The following FTCDNL1 variants were observed in gnomAD, a reference collection of about 807,000 sequenced individuals.
The protein encoded by FTCDNL1 is formiminotransferase N-terminal subdomain-containing protein.
A neutral mutation model predicts 5.9 loss-of-function variants in FTCDNL1; 11 were observed. That is an observed-to-expected ratio of 1.87 (90% CI 1.18 to 3.10). The LOEUF is 3.10. Ranked by LOEUF, FTCDNL1 falls within the 30% of genes most tolerant of loss-of-function variation. The probability of loss-of-function intolerance (pLI) is 0.00; values close to 1 mark genes in which losing one functional copy is unlikely to be tolerated. For synonymous variants in FTCDNL1, 58 were observed against 24.8 expected, an observed-to-expected ratio of 2.34 and a Z score of -3.99; for missense variants, 115 against 65.5, an observed-to-expected ratio of 1.76 and a Z score of -2.61.
the FTCDNL1 span, among the ~76,000 whole-genome samples, chr2:199,708,279 C>T: frequency 1.3e-5 from 2 of 151,970 alleles, no homozygotes; most frequent in Non-Finnish European, 2.9e-5. Context: ...CACATGATTA[C>T]TTTTATATCA....
chr2:199,827,140 T>G (rs1018605087), intron 3 of FTCDNL1, among the ~76,000 whole-genome samples: 4 of 152,166 alleles, frequency 2.6e-5, no homozygotes, highest in African/African-American at 4.8e-5. Context: ...TTTGAAGAAT[T>G]CCTGCCAAAA....
At chr2:199,669,652 T>C in the FTCDNL1 span, among the ~76,000 whole-genome samples, 1 of 152,218 alleles carries the variant, frequency 6.6e-6, no homozygotes. Flanking sequence ...CAAGACATTG[T>C]TTCATAAAGG....
intron 3 of FTCDNL1, among the ~76,000 whole-genome samples, chr2:199,825,893 G>A (rs921776587): frequency 2.0e-5 from 3 of 152,224 alleles, no homozygotes; most frequent in African/African-American, 7.2e-5. Context: ...AATGGTTGAG[G>A]AGGTGGCATG....
At chr2:199,711,998 C>T in the FTCDNL1 span, among the ~76,000 whole-genome samples, 10 of 152,046 alleles carry the variant, frequency 6.6e-5, no homozygotes, top group African/African-American at 2.4e-4. Flanking sequence ...GTAAGATGCC[C>T]AATGATGTAG....
At chr2:199,785,913 C>T (rs1699619332) in intron 3 of FTCDNL1, among the ~76,000 whole-genome samples, 1 of 152,108 alleles carries the variant, frequency 6.6e-6, no homozygotes, top group African/African-American at 2.4e-5. Context: ...TGGCAGATGG[C>T]AGGGGGGATG....
At chr2:199,710,251 T>G in the FTCDNL1 span, among the ~76,000 whole-genome samples, 1 of 152,190 alleles carries the variant, frequency 6.6e-6, no homozygotes, top group Non-Finnish European at 1.5e-5. Context: ...AACGCTGAAG[T>G]GCTATCTAAC....
chr2:199,801,629 T>C (rs1700453704), intron 3 of FTCDNL1, among the ~76,000 whole-genome samples: 1 of 151,970 alleles, frequency 6.6e-6, no homozygotes, highest in Non-Finnish European at 1.5e-5. Context: ...CACTCCAGCC[T>C]GGGTAACAGA....
At chr2:199,750,122 G>A in the FTCDNL1 span, among the ~76,000 whole-genome samples, 2 of 151,790 alleles carry the variant, frequency 1.3e-5, no homozygotes, top group South Asian at 2.1e-4. Context: ...GGGAGGCTGA[G>A]GCAGGTGGAA....
At chr2:199,703,045 TAATTTTA>T in the FTCDNL1 span, among the ~76,000 whole-genome samples, 1 of 152,080 alleles carries the variant, frequency 6.6e-6, no homozygotes, top group Non-Finnish European at 1.5e-5. Flanking sequence ...TGTTTGTTTT[TAATTTTA>T]TTTAATTTTA....
the FTCDNL1 span, among the ~76,000 whole-genome samples, chr2:199,751,009 TC>T: frequency 1.3e-5 from 2 of 152,314 alleles, no homozygotes; most frequent in East Asian, 3.9e-4. Flanking sequence ...CTACCTGCTT[TC>T]CAAAGACCCT....
intron 2 of FTCDNL1, among the ~76,000 whole-genome samples, chr2:199,847,127 C>T (rs2106634669): frequency 6.6e-6 from 1 of 152,114 alleles, no homozygotes; most frequent in African/African-American, 2.4e-5. Context: ...AGAGTCCTGC[C>T]CTGGTGTAGG....
At chr2:199,838,164 A>G (rs1012597) in intron 3 of FTCDNL1, among the ~76,000 whole-genome samples, 4,071 of 152,340 alleles carry the variant, frequency 0.027, 125 homozygotes, top group East Asian at 0.11. Context: ...TACAAGAAGC[A>G]TCAGGGTCCA....
intron 3 of FTCDNL1, among the ~76,000 whole-genome samples, chr2:199,835,888 G>C (rs553370941): frequency 6.6e-6 from 1 of 152,084 alleles, no homozygotes; most frequent in East Asian, 1.9e-4. Context: ...GAGGCCCCCT[G>C]GGGCTCCCTT....
chr2:199,749,912 A>C, the FTCDNL1 span, among the ~76,000 whole-genome samples: 4 of 151,726 alleles, frequency 2.6e-5, no homozygotes, highest in Non-Finnish European at 4.4e-5. Context: ...TCTTATATTC[A>C]CATCAAAAAG....
chr2:199,818,469 A>G (rs1701486098), intron 4 of FTCDNL1: 1 of 152,136 alleles, frequency 6.6e-6, no homozygotes, highest in South Asian at 2.1e-4. Flanking sequence ...CTTCACAATA[A>G]TGAGAGGGAG....
chr2:199,838,759 A>C (rs1046422910), intron 3 of FTCDNL1, among the ~76,000 whole-genome samples: 6 of 152,194 alleles, frequency 3.9e-5, no homozygotes, highest in Non-Finnish European at 1.5e-5. Context: ...CCCTGGTAGA[A>C]TATGTAAGAG....
chr2:199,826,488 CAAAAAAAAAAA>C lies in FTCDNL1; in HGVS notation c.212-6742_212-6732del, dbSNP rs35457727. On this transcript the variant is annotated intron_variant, in intron 3 of 4. Coordinates refer to ENST00000420128, the MANE Select transcript of FTCDNL1 (RefSeq NM_001363886.2). ...ATTCCTTATCTAGAAATTTCTCAGTCAAAAAAAAAAAAAAAAAAAGAATAGGTTGGGTGCGG... is the reference window on the plus strand; with the variant it reads ...ATTCCTTATCTAGAAATTTCTCAGTCAAAAAAAAGAATAGGTTGGGTGCGG... 2.2e-4 allele frequency among the ~76,000 whole-genome samples: 27 copies of C among 121,152 alleles called. 1 individual carries two copies. Among genetic ancestry groups the C allele is most frequent in the African/African-American group, 8.3e-4 (27 of 32,438 alleles). 79.5% of individuals were successfully genotyped at this position (121,152 alleles called of 152,430 possible).
At chr2:199,728,409 G>T in the FTCDNL1 span, among the ~76,000 whole-genome samples, 3 of 151,998 alleles carry the variant, frequency 2.0e-5, no homozygotes, top group African/African-American at 7.3e-5. Context: ...ACCATGCCTG[G>T]CTAATTTTTT....
At chr2:199,706,065 C>A in the FTCDNL1 span, among the ~76,000 whole-genome samples, 2 of 152,286 alleles carry the variant, frequency 1.3e-5, no homozygotes, top group South Asian at 2.1e-4. Context: ...GTTTTCTGTC[C>A]TGTCCCCATT....
Sources: gnomAD v4.1 joint callset for allele counts (sites outside exome capture counted in the v4.1 genomes callset) on GRCh38, gnomAD v4.1.1 for gene constraint, MANE v1.5 for transcripts, NCBI Gene and HGNC (gene_info 2026-07-23, HGNC 2026-07-21) for gene names.